Variants in IL1RAPL1 observed in about 807,000 individuals in gnomAD.
The protein encoded by IL1RAPL1 is interleukin-1 receptor accessory protein-like 1.
In IL1RAPL1, 3 loss-of-function variants were observed where a neutral mutation model predicts 48.4. That is an observed-to-expected ratio of 0.06 (90% CI 0.03 to 0.16). The LOEUF is 0.16. Among genes scored for constraint, IL1RAPL1 ranks in the 10% least tolerant of loss-of-function variants. IL1RAPL1 has a pLI of 1.00. For synonymous variants in IL1RAPL1, 185 were observed against 187.7 expected, an observed-to-expected ratio of 0.99 and a Z score of 0.12; for missense variants, 349 against 530.6, an observed-to-expected ratio of 0.66 and a Z score of 3.36.
Position 29,289,755 on chromosome X carries a change from C to T in IL1RAPL1, c.362+6538C>T, listed in dbSNP as rs187807940. ...GACTTCCTTCTTTGGTTTCTTTCAT[C>T]AGCATACAAATCCTATAAACATTTT... On this transcript the variant is annotated intron_variant, in intron 3 of 10. Transcript: ENST00000378993. 7.1e-5 allele frequency among the ~76,000 whole-genome samples: 8 copies of T among 112,051 alleles called. No homozygotes were observed. The East Asian group carries it at 2.2e-3, about 31-fold the overall frequency.
chrX:29,773,250 C>T (rs1156664291), intron 6 of IL1RAPL1, among the ~76,000 whole-genome samples: 5 of 111,938 alleles, frequency 4.5e-5, no homozygotes, highest in African/African-American at 1.6e-4. Flanking sequence ...GATAAAGATG[C>T]TTCGACCTTG....
At chrX:29,437,398 T>G (rs1176349476) in intron 5 of IL1RAPL1, among the ~76,000 whole-genome samples, 1 of 110,844 alleles carries the variant, frequency 9.0e-6, no homozygotes, top group Non-Finnish European at 1.9e-5. Flanking sequence ...TATATTTTAT[T>G]TCGTTTTCTT....
chrX:29,182,675 A>G (rs1930170100), intron 2 of IL1RAPL1, among the ~76,000 whole-genome samples: 1 of 110,881 alleles, frequency 9.0e-6, no homozygotes, highest in South Asian at 3.8e-4. Context: ...CCAGCATATG[A>G]CAAAACTTGT....
chrX:29,815,512 G>GT (rs1004438497), intron 6 of IL1RAPL1, among the ~76,000 whole-genome samples: 4 of 111,275 alleles, frequency 3.6e-5, no homozygotes. Flanking sequence ...GTATAGAATT[G>GT]TATTATTGGT....
intron 6 of IL1RAPL1, among the ~76,000 whole-genome samples, chrX:29,789,424 CA>C (rs751872357): frequency 4.5e-5 from 5 of 111,014 alleles, no homozygotes; most frequent in African/African-American, 1.6e-4. Flanking sequence ...CTCATTCAGC[CA>C]AAAAATCTAT....
At chrX:29,616,473 T>TC (rs1924291052) in intron 5 of IL1RAPL1, among the ~76,000 whole-genome samples, 1 of 88,408 alleles carries the variant, frequency 1.1e-5, no homozygotes, top group Non-Finnish European at 2.2e-5. Context: ...ATGCCATCCC[T>TC]CCCCCCTCCC....
chrX:29,303,228 G>C (rs1428398559), intron 3 of IL1RAPL1, among the ~76,000 whole-genome samples: 1 of 111,633 alleles, frequency 9.0e-6, no homozygotes, highest in Non-Finnish European at 1.9e-5. Context: ...TAACAAGATG[G>C]GAGGTGTTGA....
intron 1 of IL1RAPL1, among the ~76,000 whole-genome samples, chrX:28,770,854 T>G (rs1486511168): frequency 1.8e-5 from 2 of 112,196 alleles, no homozygotes; most frequent in Non-Finnish European, 3.8e-5. Context: ...TCATGTCTGT[T>G]GAAAATGGTT....
intron 1 of IL1RAPL1, among the ~76,000 whole-genome samples, chrX:28,752,281 C>T (rs1323112359): frequency 9.0e-6 from 1 of 111,606 alleles, no homozygotes; most frequent in South Asian, 3.8e-4. Context: ...CCCAGCTTCT[C>T]CTCTTATTTT....
At chrX:29,422,236 C>A (rs183849044) in intron 5 of IL1RAPL1, among the ~76,000 whole-genome samples, 1 of 111,490 alleles carries the variant, frequency 9.0e-6, no homozygotes, top group Non-Finnish European at 1.9e-5. Flanking sequence ...GGGGAAGAAA[C>A]AACAGTTATC....
In IL1RAPL1 at chrX:29,346,717, T is replaced by C. The variant is rs550455819; in HGVS notation, c.363-49541T>C. On this transcript the variant is annotated intron_variant, in intron 3 of 10. Coordinates refer to ENST00000378993, the MANE Select transcript of IL1RAPL1 (RefSeq NM_014271.4). The stretch of plus-strand genomic sequence containing the variant: ...ATTAATTTGCGAATGTGATATATCC[T>C]CTTGATCCAGGGAGCTAATTGATTT... 3.6e-5 allele frequency among the ~76,000 whole-genome samples: 4 copies of C among 112,418 alleles called. No homozygotes were observed. In the Middle Eastern group the frequency reaches 0.018, roughly 513 times the overall value.
At chrX:28,786,338 G>A (rs968839753) in intron 1 of IL1RAPL1, among the ~76,000 whole-genome samples, 2 of 110,281 alleles carry the variant, frequency 1.8e-5, no homozygotes, top group African/African-American at 3.3e-5. Context: ...GGTGGTGGGC[G>A]CCTGTAATCC....
chrX:28,643,460 A>G (rs1252582661), intron 1 of IL1RAPL1, among the ~76,000 whole-genome samples: 1 of 111,252 alleles, frequency 9.0e-6, no homozygotes, highest in African/African-American at 3.3e-5. Context: ...GATGAAACCT[A>G]TTCAATGTGT....
chrX:29,489,581 A>G (rs183879940), intron 5 of IL1RAPL1, among the ~76,000 whole-genome samples: 260 of 111,901 alleles, frequency 2.3e-3, no homozygotes, highest in African/African-American at 8.2e-3. Context: ...CAAGTAATAC[A>G]TTTTTTCTTC....
At chrX:29,618,134 AAATAT>A (rs779286777) in intron 5 of IL1RAPL1, among the ~76,000 whole-genome samples, 49 of 111,807 alleles carry the variant, frequency 4.4e-4, no homozygotes, top group African/African-American at 1.6e-3. Flanking sequence ...ATGTTATCTA[AAATAT>A]AATAATAAGA....
At chrX:29,078,051 G>A (rs1340436825) in intron 2 of IL1RAPL1, among the ~76,000 whole-genome samples, 1 of 112,243 alleles carries the variant, frequency 8.9e-6, no homozygotes, top group Non-Finnish European at 1.9e-5. Context: ...GCCGAGGCAG[G>A]CGGATCACCT....
chrX:28,694,941 G>A (rs1569153265), intron 1 of IL1RAPL1, among the ~76,000 whole-genome samples: 1 of 110,886 alleles, frequency 9.0e-6, no homozygotes, highest in Non-Finnish European at 1.9e-5. Context: ...TGTCTTCAGA[G>A]TCTGCTTGTC....
At chrX:28,846,843 CA>C (rs1443041190) in intron 2 of IL1RAPL1, among the ~76,000 whole-genome samples, 1 of 111,671 alleles carries the variant, frequency 9.0e-6, no homozygotes, top group East Asian at 2.8e-4. Flanking sequence ...TGTATGCTAC[CA>C]AACATTAGAA....
At chrX:29,357,794 A>C (rs1262660131) in intron 3 of IL1RAPL1, among the ~76,000 whole-genome samples, 2 of 112,388 alleles carry the variant, frequency 1.8e-5, no homozygotes, top group African/African-American at 6.5e-5. Flanking sequence ...CATTTGTTTA[A>C]TCAAAATTGT....
Sources: gnomAD v4.1 joint callset for allele counts (sites outside exome capture counted in the v4.1 genomes callset) on GRCh38, gnomAD v4.1.1 for gene constraint, MANE v1.5 for transcripts, NCBI Gene and HGNC (gene_info 2026-07-23, HGNC 2026-07-21) for gene names.